Variants in MTA3 observed in about 807,000 individuals in gnomAD.
MTA3 encodes the protein metastasis associated 1 family member 3.
A neutral mutation model predicts 83.5 loss-of-function variants in MTA3; 34 were observed. The observed-to-expected ratio is 0.41, with a 90% confidence interval of 0.31 to 0.54. The LOEUF (loss-of-function observed/expected upper bound fraction) is 0.54, where lower values mean the gene tolerates loss of function less well. Ranked by LOEUF, MTA3 falls within the 20% of genes least tolerant of loss-of-function variation. The probability of loss-of-function intolerance (pLI) is 0.33; values close to 1 mark genes in which losing one functional copy is unlikely to be tolerated. For missense variants in MTA3, 761 were observed against 726.4 expected (o/e 1.05, Z -0.55); for synonymous variants, 303 against 252.7 (o/e 1.20, Z -1.89).
chr2:42,749,083 C>T (rs946337141), intron 16 of MTA3, among the ~76,000 whole-genome samples: 5 of 152,200 alleles, frequency 3.3e-5, no homozygotes, highest in African/African-American at 1.2e-4. Flanking sequence ...TGTTTTCCAT[C>T]GGGCTCCTGG....
intron 9 of MTA3, among the ~76,000 whole-genome samples, chr2:42,688,994 G>A (rs1269796764): frequency 6.6e-6 from 1 of 151,932 alleles, no homozygotes; most frequent in Admixed American, 6.6e-5. Flanking sequence ...TTTTAATGAC[G>A]AGCAAGTTCC....
chr2:42,728,130 ACT>A (rs1383751420), intron 16 of MTA3, among the ~76,000 whole-genome samples: 1 of 151,764 alleles, frequency 6.6e-6, no homozygotes, highest in Admixed American at 6.6e-5. Context: ...CCACCATTCT[ACT>A]CTCTATCTCC....
chr2:42,627,725 A>ATTTTTTTTTTTTT (rs869227831), intron 4 of MTA3, among the ~76,000 whole-genome samples: 10 of 103,386 alleles, frequency 9.7e-5, no homozygotes, highest in East Asian at 2.9e-4. Context: ...GCCTGGCTAA[A>ATTTTTTTTTTTTT]TTTTTTTTTT....
chr2:42,619,923 AC>A (rs922773848), intron 4 of MTA3, among the ~76,000 whole-genome samples: 1 of 152,206 alleles, frequency 6.6e-6, no homozygotes, highest in Non-Finnish European at 1.5e-5. Flanking sequence ...TAAGAAAAAA[AC>A]AAAGGCAAGT....
chr2:42,614,832 T>G (rs1431643615), intron 4 of MTA3, among the ~76,000 whole-genome samples: 1 of 151,862 alleles, frequency 6.6e-6, no homozygotes, highest in African/African-American at 2.4e-5. Context: ...AAAATTAGCA[T>G]GGCATGGCAG....
At chr2:42,495,005 A>C (rs1282774096) in exon 1 of MTA3, 1 of 152,528 alleles carries the variant, frequency 6.6e-6, no homozygotes, top group Non-Finnish European at 1.5e-5. Context: ...GAGGCGAGAC[A>C]GGTGAGTTGT....
intron 2 of MTA3, among the ~76,000 whole-genome samples, chr2:42,522,486 C>T (rs554393279): frequency 4.2e-4 from 64 of 152,088 alleles, no homozygotes; most frequent in Non-Finnish European, 7.3e-4. Flanking sequence ...GGGGGACACA[C>T]GCTTCTGGCT....
chr2:42,589,257 C>T (rs916747879), intron 3 of MTA3, among the ~76,000 whole-genome samples: 14 of 151,828 alleles, frequency 9.2e-5, no homozygotes, highest in African/African-American at 2.7e-4. Context: ...AATTTATGTC[C>T]GGTAAATGTT....
intron 6 of MTA3, among the ~76,000 whole-genome samples, chr2:42,646,408 T>C (rs527467895): frequency 1.2e-4 from 18 of 152,360 alleles, no homozygotes; most frequent in African/African-American, 4.1e-4. Context: ...ATTCCTCTGA[T>C]GGATCTGAGT....
chr2:42,517,918 GCTCACGCCTGTAA>G (rs1171427224), intron 2 of MTA3, among the ~76,000 whole-genome samples: 2 of 151,768 alleles, frequency 1.3e-5, no homozygotes, highest in Non-Finnish European at 2.9e-5. Flanking sequence ...GGGCGTGGTG[GCTCACGCCTGTAA>G]TCCGAGCACT....
rs143260251 is a variant in MTA3, at chr2:42,629,359, G to A, written c.318-10814G>A. On this transcript the variant is annotated intron_variant, in intron 4 of 16. Coordinates refer to ENST00000405094, the MANE Select transcript of MTA3 (RefSeq NM_001330442.2). ...CTCCCAAAGTGCTGGGATTACAGGC[G>A]TGATCCACCGTGCCCAGCGGATAGA... is the stretch of plus-strand genomic sequence containing the variant. Among the ~76,000 whole-genome samples the A allele has an allele frequency of 8.0e-4, 122 of 152,210 alleles. 4 individuals are homozygous for A. In the East Asian group the frequency reaches 0.02, roughly 25 times the overall value.
intron 2 of MTA3, among the ~76,000 whole-genome samples, chr2:42,535,130 T>C (rs1293030016): frequency 6.6e-6 from 1 of 151,112 alleles, no homozygotes; most frequent in African/African-American, 2.4e-5. Context: ...CTCACGCCTG[T>C]AATCCCAGCA....
At chr2:42,697,190 C>G (rs6720343) in intron 10 of MTA3, among the ~76,000 whole-genome samples, 1 of 151,998 alleles carries the variant, frequency 6.6e-6, no homozygotes, top group Non-Finnish European at 1.5e-5. Context: ...TCTCCTTCCC[C>G]TTCCTTTCCC....
intron 16 of MTA3, among the ~76,000 whole-genome samples, chr2:42,733,463 G>T (rs1242924446): frequency 2.6e-5 from 4 of 152,156 alleles, no homozygotes; most frequent in African/African-American, 9.7e-5. Flanking sequence ...TGAGATTTGG[G>T]TGGCGACACA....
chr2:42,494,716 A>G (rs954254793), exon 1 of MTA3: 1 of 152,426 alleles, frequency 6.6e-6, no homozygotes, highest in African/African-American at 2.4e-5. Context: ...GTGGGATGAA[A>G]GTCTGGGGAG....
intron 16 of MTA3, among the ~76,000 whole-genome samples, chr2:42,731,561 G>A (rs775231978): frequency 5.9e-5 from 9 of 152,226 alleles, no homozygotes; most frequent in South Asian, 2.1e-4. Flanking sequence ...CAAGAATAGC[G>A]TGGGAAAGAC....
At chr2:42,620,762 G>C (rs1365093074) in intron 4 of MTA3, among the ~76,000 whole-genome samples, 3 of 152,174 alleles carry the variant, frequency 2.0e-5, no homozygotes, top group Admixed American at 1.3e-4. Flanking sequence ...TCGAAGTGTT[G>C]GGATTACGGG....
chr2:42,657,146 A>G (rs1689243257), intron 7 of MTA3, among the ~76,000 whole-genome samples: 1 of 152,224 alleles, frequency 6.6e-6, no homozygotes, highest in Non-Finnish European at 1.5e-5. Flanking sequence ...TGAACCAAAC[A>G]TGGCAAAATA....
At chr2:42,558,084 AC>A (rs1486013577) in intron 2 of MTA3, among the ~76,000 whole-genome samples, 1 of 151,964 alleles carries the variant, frequency 6.6e-6, no homozygotes, top group Non-Finnish European at 1.5e-5. Context: ...TGTCGGTTGG[AC>A]CACTCCCTTT....
Sources: allele counts gnomAD v4.1 joint callset (sites outside exome capture counted in the v4.1 genomes callset), GRCh38; gene constraint gnomAD v4.1.1; transcripts MANE v1.5; gene names NCBI Gene and HGNC (gene_info 2026-07-23, HGNC 2026-07-21).